The following PCDH15 variants were observed in gnomAD, a reference collection of about 807,000 sequenced individuals.
PCDH15 encodes protocadherin-15.
Under a neutral mutation model 178.5 loss-of-function variants are expected in PCDH15, and 129 were observed. The ratio of observed to expected loss-of-function variants is 0.72; its 90% CI spans 0.63 to 0.84. The LOEUF (loss-of-function observed/expected upper bound fraction) is 0.84, where lower values mean the gene tolerates loss of function less well. Among genes scored for constraint, PCDH15 ranks in the 40% least tolerant of loss-of-function variants. The probability of loss-of-function intolerance (pLI) is 0.00; values close to 1 mark genes in which losing one functional copy is unlikely to be tolerated. For missense variants in PCDH15, 2,230 were observed against 2,099.9 expected (o/e 1.06, Z -1.21); for synonymous variants, 800 against 732.0 (o/e 1.09, Z -1.50).
chr10:54,880,685 T>A (rs1468370529), intron 3 of PCDH15, among the ~76,000 whole-genome samples: 4 of 151,140 alleles, frequency 2.6e-5, no homozygotes, highest in African/African-American at 9.7e-5. Context: ...TAAAATTGGA[T>A]ACAATAATCA....
chr10:55,000,959 T>G (rs928652649), intron 2 of PCDH15, among the ~76,000 whole-genome samples: 3 of 152,160 alleles, frequency 2.0e-5, no homozygotes, highest in African/African-American at 2.4e-5. Flanking sequence ...CAAATTAGCA[T>G]GCACTTCCTT....
At chr10:54,395,183 T>C (rs1951046169) in intron 3 of PCDH15, among the ~76,000 whole-genome samples, 1 of 152,126 alleles carries the variant, frequency 6.6e-6, no homozygotes, top group African/African-American at 2.4e-5. Flanking sequence ...AAGTGATAAG[T>C]GTCCATGAAA....
chr10:54,792,200 G>A (rs1951483749), intron 1 of PCDH15, among the ~76,000 whole-genome samples: 1 of 151,796 alleles, frequency 6.6e-6, no homozygotes, highest in South Asian at 2.1e-4. Flanking sequence ...GAAAAATGGT[G>A]GTCTAAAAAC....
chr10:54,153,358 T>TC, intron 13 of PCDH15, 65 bp from the exon 14 acceptor site: 1 of 1,555,292 alleles, frequency 6.4e-7, no homozygotes, highest in Non-Finnish European at 8.9e-7. Flanking sequence ...TGTCGTTTTT[T>TC]CCCCCAACAA....
At chr10:54,509,922 C>A (rs2081496083) in intron 3 of PCDH15, among the ~76,000 whole-genome samples, 1 of 152,154 alleles carries the variant, frequency 6.6e-6, no homozygotes, top group South Asian at 2.1e-4. Context: ...ACATGCCGAT[C>A]ATGCACTGCT....
intron 2 of PCDH15, among the ~76,000 whole-genome samples, chr10:54,539,359 C>A (rs1015971473): frequency 6.6e-6 from 1 of 151,964 alleles, no homozygotes; most frequent in African/African-American, 2.4e-5. Flanking sequence ...GCTTTTAAAC[C>A]AACAACAATA....
chr10:54,013,764 A>G (rs2660144), intron 20 of PCDH15, among the ~76,000 whole-genome samples: 18,172 of 152,080 alleles, frequency 0.12, 3,168 homozygotes, highest in African/African-American at 0.38. Context: ...AGTGTTAAGA[A>G]AGAAGTTTAT....
At chr10:55,509,273 G>A (rs1271909960) in intron 2 of PCDH15, among the ~76,000 whole-genome samples, 1 of 151,738 alleles carries the variant, frequency 6.6e-6, no homozygotes, top group Non-Finnish European at 1.5e-5. Flanking sequence ...CTGCAATACA[G>A]TGTTGAAAGG....
At chr10:53,888,300 A>ATATATGTACATGTATATATATACG (rs1554845155) in intron 26 of PCDH15, among the ~76,000 whole-genome samples, 2 of 82,018 alleles carry the variant, frequency 2.4e-5, no homozygotes, top group Admixed American at 1.7e-4. Context: ...ACATATATAT[A>ATATATGTACATGTATATATATACG]TATATATATG....
At chr10:54,703,608 A>G (rs898568437) in intron 1 of PCDH15, among the ~76,000 whole-genome samples, 1 of 152,094 alleles carries the variant, frequency 6.6e-6, no homozygotes, top group African/African-American at 2.4e-5. Context: ...GAGCCAAATC[A>G]AGAAGGTAAT....
chr10:54,480,651 G>C (rs1031499439), intron 3 of PCDH15, among the ~76,000 whole-genome samples: 1 of 151,990 alleles, frequency 6.6e-6, no homozygotes, highest in African/African-American at 2.4e-5. Flanking sequence ...GATGCTCTTA[G>C]TTGTATTTAT....
chr10:54,365,006 G>A (rs1415074235), intron 5 of PCDH15, among the ~76,000 whole-genome samples: 1 of 151,998 alleles, frequency 6.6e-6, no homozygotes, highest in East Asian at 1.9e-4. Flanking sequence ...CTCCCCTTAT[G>A]CCTCATCTTA....
chr10:54,658,844 T>A (rs2094448532), intron 2 of PCDH15, among the ~76,000 whole-genome samples: 1 of 152,146 alleles, frequency 6.6e-6, no homozygotes. Flanking sequence ...GATATCATTT[T>A]GCAAATTGGA....
At chr10:55,252,756 T>A (rs1841872646) in intron 1 of PCDH15, among the ~76,000 whole-genome samples, 1 of 151,946 alleles carries the variant, frequency 6.6e-6, no homozygotes. Context: ...TCAGAAAAGG[T>A]AAAAGTCATC....
At chr10:54,592,203 C>G (rs2091930326) in intron 2 of PCDH15, among the ~76,000 whole-genome samples, 1 of 152,014 alleles carries the variant, frequency 6.6e-6, no homozygotes, top group Admixed American at 6.6e-5. Context: ...AAATTAAATC[C>G]ATAAAGCACA....
intron 1 of PCDH15, among the ~76,000 whole-genome samples, chr10:54,672,215 A>G (rs542418876): frequency 2.6e-5 from 4 of 151,430 alleles, no homozygotes; most frequent in African/African-American, 9.7e-5. Flanking sequence ...ATATCATTAT[A>G]TATTATAATA....
intron 2 of PCDH15, among the ~76,000 whole-genome samples, chr10:55,160,386 G>A (rs1173106746): frequency 1.3e-5 from 2 of 151,816 alleles, no homozygotes; most frequent in African/African-American, 4.8e-5. Context: ...GCAGAGGGAA[G>A]GGAGGTGTTG....
rs148564053 is a variant in PCDH15, at chr10:54,796,842, T to A, written c.-29+4083A>T. ...AGTAATAAAAACCTCTCATCCAGTT[T>A]TAATGACCCTTTTCTGGATTCCAGT... On this transcript the variant is annotated intron_variant, in intron 1 of 37. Coordinates refer to ENST00000644397, the MANE Select transcript of PCDH15 (RefSeq NM_001384140.1). Among the ~76,000 whole-genome samples, 337 of 152,144 alleles carry A rather than the reference T, an allele frequency of 2.2e-3. 2 individuals carry two copies. Among genetic ancestry groups the A allele is most frequent in the African/African-American group, 6.5e-3 (271 of 41,528 alleles).
In PCDH15 at chr10:55,023,012, G is replaced by A. The variant is rs550770156; in HGVS notation, c.-79-125512C>T. 2.6e-5 allele frequency among the ~76,000 whole-genome samples: 4 copies of A among 151,940 alleles called. No homozygotes were observed. In the South Asian group the frequency reaches 6.2e-4, roughly 24 times the overall value. On this transcript the variant is annotated intron_variant, in intron 2 of 5. Transcript: ENST00000458638. ...GCTGGAGTGCAGTGGCTCCATCGCC[G>A]CTCACTGCAAGCTCCGCCTCCCAAA...
Sources: gnomAD v4.1 joint callset for allele counts (sites outside exome capture counted in the v4.1 genomes callset) on GRCh38, gnomAD v4.1.1 for gene constraint, MANE v1.5 for transcripts, NCBI Gene and HGNC (gene_info 2026-07-23, HGNC 2026-07-21) for gene names.